Variants in IFRD1 observed in about 807,000 individuals in gnomAD.
IFRD1 encodes interferon related developmental regulator 1.
In IFRD1, 35 loss-of-function variants were observed where a neutral mutation model predicts 52.9. The ratio of observed to expected loss-of-function variants is 0.66; its 90% CI spans 0.51 to 0.88. The LOEUF is 0.88. Ranked by LOEUF, IFRD1 falls within the 40% of genes least tolerant of loss-of-function variation. IFRD1 has a pLI of 0.00. For synonymous variants in IFRD1, 184 were observed against 188.4 expected (o/e 0.98, Z 0.19); for missense variants, 517 against 550.8 (o/e 0.94, Z 0.61).
chr7:112,429,343 A>T (rs893397655), intron 1 of IFRD1, among the ~76,000 whole-genome samples: 3 of 152,196 alleles, frequency 2.0e-5, no homozygotes, highest in Admixed American at 6.5e-5. Flanking sequence ...ACACTTTAGA[A>T]TTCTGTTTTT....
At position 112,475,448 on chromosome 7, in the gene IFRD1, G is replaced by T; in HGVS notation, c.1285G>T (p.Ala429Ser). Reference sequence around the variant, plus strand: ...ATTTTAGCATTTATATAACTCTGCAGCCTTCAAAGCTCGAACCAAAGCTAG... The same window carrying T: ...ATTTTAGCATTTATATAACTCTGCATCCTTCAAAGCTCGAACCAAAGCTAG... ...RFERHLYNSA[A>S]FKARTKARSK... is the part of the protein sequence containing the mutation. The change falls in exon 12 of 12, where the codon GCC becomes TCC. Residue 429 changes from alanine (A) to serine (S), a missense_variant. Physicochemically the swap from Ala to Ser is moderately conservative, Grantham distance 99. Transcript: ENST00000403825. 3 of 1,608,958 alleles carry T rather than the reference G, an allele frequency of 1.9e-6. No individual in the cohort carries two copies.
At chr7:112,455,218 T>C (rs1795259778) in intron 1 of IFRD1, among the ~76,000 whole-genome samples, 1 of 151,182 alleles carries the variant, frequency 6.6e-6, no homozygotes, top group Non-Finnish European at 1.5e-5. Context: ...GCTCAGTGGC[T>C]CACACCTGTA....
At chr7:112,452,430 G>C (rs779449728) in intron 1 of IFRD1, 3 of 980,760 alleles carry the variant, frequency 3.1e-6, no homozygotes, top group Non-Finnish European at 3.6e-6. Context: ...ATGCTGGGAC[G>C]GTGCCTGGTC....
At chr7:112,443,657 T>C (rs1794949600) in intron 1 of IFRD1, among the ~76,000 whole-genome samples, 1 of 151,816 alleles carries the variant, frequency 6.6e-6, no homozygotes, top group East Asian at 1.9e-4. Flanking sequence ...GGACCACTTG[T>C]CAGGAGTTCG....
chr7:112,445,268 G>T (rs11761976), intron 1 of IFRD1, among the ~76,000 whole-genome samples: 88 of 151,684 alleles, frequency 5.8e-4, no homozygotes, highest in African/African-American at 1.1e-3. Flanking sequence ...GGGTTTCACC[G>T]TGTTAGCCAG....
intron 8 of IFRD1, 122 bp from the exon 9 acceptor site, chr7:112,467,859 A>C: frequency 1.1e-6 from 1 of 943,084 alleles, no homozygotes; most frequent in Non-Finnish European, 1.7e-6. Context: ...AAATACCATG[A>C]AGATTTACAT....
At chr7:112,447,902 T>C (rs1413913281), upstream of IFRD1, among the ~76,000 whole-genome samples, 3 of 151,246 alleles carry the variant, frequency 2.0e-5, no homozygotes, top group East Asian at 3.9e-4. Flanking sequence ...TTCATGTTTG[T>C]AGTGATAAGT....
chr7:112,466,050 C>CT (rs139563160), intron 8 of IFRD1, among the ~76,000 whole-genome samples: 164 of 151,834 alleles, frequency 1.1e-3, no homozygotes, highest in African/African-American at 3.8e-3. Flanking sequence ...ACTTTTGACC[C>CT]TGTTGTGTAG....
At chr7:112,425,308 G>A (rs936795180) in intron 1 of IFRD1, among the ~76,000 whole-genome samples, 2 of 152,196 alleles carry the variant, frequency 1.3e-5, no homozygotes, top group African/African-American at 4.8e-5. Flanking sequence ...TATTTGTGAG[G>A]TTTTCCAGAG....
At chr7:112,457,647 G>A (rs1054091453) in intron 4 of IFRD1, 1 of 152,168 alleles carries the variant, frequency 6.6e-6, no homozygotes, top group Non-Finnish European at 1.5e-5. Context: ...GGGAGACCGA[G>A]GTGGGAGGAT....
intron 8 of IFRD1, among the ~76,000 whole-genome samples, chr7:112,464,041 T>A (rs199943420): frequency 6.7e-6 from 1 of 148,294 alleles, no homozygotes; most frequent in African/African-American, 2.5e-5. Context: ...ATTTGCTTTT[T>A]TTTTTTTTTT....
intron 3 of IFRD1, 27 bp downstream of exon 3, chr7:112,456,113 G>A (rs1409628676): frequency 3.2e-6 from 4 of 1,241,268 alleles, no homozygotes; most frequent in Admixed American, 3.4e-5. Flanking sequence ...ACTCCATTCT[G>A]TGTGAGTCTA....
chr7:112,457,205 C>G, intron 4 of IFRD1, 167 bp downstream of exon 4: 1 of 723,894 alleles, frequency 1.4e-6, no homozygotes, highest in South Asian at 1.6e-5. Context: ...CTTGTTAGAA[C>G]TTTGTTTTTG....
chr7:112,427,851 CCTATTCCCAAGGA>C (rs1159512464), intron 1 of IFRD1, among the ~76,000 whole-genome samples: 1 of 152,088 alleles, frequency 6.6e-6, no homozygotes, highest in African/African-American at 2.4e-5. Flanking sequence ...AGATGTGGCT[CCTATTCCCAAGGA>C]GATCACAGTC....
At chr7:112,456,848 T>G in intron 3 of IFRD1, 66 bp from the exon 4 acceptor site, 1 of 1,504,442 alleles carries the variant, frequency 6.6e-7, no homozygotes, top group South Asian at 1.1e-5. Flanking sequence ...GGAAATAAGA[T>G]TTTAAAAAGT....
chr7:112,453,790 C>A (rs1327739595), intron 1 of IFRD1, among the ~76,000 whole-genome samples: 3 of 152,216 alleles, frequency 2.0e-5, no homozygotes, highest in Non-Finnish European at 4.4e-5. Context: ...GCAAGCAAAT[C>A]TGAAGGCCAC....
At chr7:112,460,713 A>T (rs971049463) in intron 5 of IFRD1, among the ~76,000 whole-genome samples, 1 of 152,116 alleles carries the variant, frequency 6.6e-6, no homozygotes, top group African/African-American at 2.4e-5. Flanking sequence ...TGATATAATG[A>T]CAATAAAATA....
In IFRD1 at chr7:112,450,500, G is replaced by C. The variant is rs1057276407; in HGVS notation, c.-189G>C. 6.4e-6 allele frequency: 4 copies of C among 629,062 alleles called. No individual in the cohort carries two copies. Among genetic ancestry groups the C allele is most frequent in the Non-Finnish European group, 1.2e-5 (4 of 341,788 alleles). The allele number at this position is 629,062 out of a possible 1,614,324, so 39.0% of individuals were successfully genotyped here. ...CTAGAGAGAAACATGTATCGTTTTC[G>C]ATCACAGCTCTTCACGGGGATTTCT... is the stretch of plus-strand genomic sequence containing the variant. On this transcript the variant is annotated 5_prime_UTR_variant, in exon 1 of 12. Transcript: ENST00000403825.
At chr7:112,442,624 A>T (rs1794919641) in intron 1 of IFRD1, among the ~76,000 whole-genome samples, 1 of 152,200 alleles carries the variant, frequency 6.6e-6, no homozygotes, top group Non-Finnish European at 1.5e-5. Context: ...GTGAAAGCTG[A>T]TCCATCAAGA....
Sources: allele counts gnomAD v4.1 joint callset (sites outside exome capture counted in the v4.1 genomes callset), GRCh38; gene constraint gnomAD v4.1.1; transcripts MANE v1.5; gene names NCBI Gene and HGNC (gene_info 2026-07-23, HGNC 2026-07-21).